Variants in ANKRD62 observed in about 807,000 individuals in gnomAD.
ANKRD62 encodes the protein ankyrin repeat domain 62.
ANKRD62 carries 61 observed loss-of-function variants against 98.8 expected under a neutral mutation model. The observed-to-expected ratio is 0.62, with a 90% CI of 0.50 to 0.76. The LOEUF is 0.76. Among genes scored for constraint, ANKRD62 ranks in the 30% least tolerant of loss-of-function variants. The pLI is 0.00. For synonymous variants in ANKRD62, 341 were observed against 367.9 expected (o/e 0.93, Z 0.84); for missense variants, 933 against 1,082.9 (o/e 0.86, Z 1.94).
chr18:12,135,089 C>T, the ANKRD62 span, among the ~76,000 whole-genome samples: 23 of 150,850 alleles, frequency 1.5e-4, 1 homozygote, highest in Admixed American at 3.9e-4. Flanking sequence ...ATGTGCACAA[C>T]GTGCAGGTGT....
rs534412392 is a variant in ANKRD62, at chr18:12,095,158, C to G, written c.219-13C>G. On this transcript the variant is annotated splice_polypyrimidine_tract_variant and intron_variant, in intron 1 of 13. Transcript: ENST00000587848. ...GCACTACAATTGCCTAAAGCGACCT[C>G]TCATTCTCACAGGACTGCTCTACTT... is the stretch of plus-strand genomic sequence containing the variant. The G allele has an allele frequency of 3.9e-6, 6 of 1,534,776 alleles. No individual in the cohort carries two copies. In the African/African-American group the frequency reaches 6.8e-5, roughly 17 times the overall value.
chr18:12,178,084 A>C, the ANKRD62 span, among the ~76,000 whole-genome samples: 1 of 149,172 alleles, frequency 6.7e-6, no homozygotes, highest in Admixed American at 6.7e-5. Flanking sequence ...AGAGCATAAG[A>C]AGCATTAGAA....
At chr18:12,113,291 C>T (rs1189169129) in intron 8 of ANKRD62, among the ~76,000 whole-genome samples, 1 of 152,146 alleles carries the variant, frequency 6.6e-6, no homozygotes, top group Admixed American at 6.5e-5. Flanking sequence ...CAAATCATAA[C>T]CCCTATTAAC....
the ANKRD62 span, among the ~76,000 whole-genome samples, chr18:12,140,041 C>T: frequency 3.9e-5 from 6 of 152,112 alleles, no homozygotes; most frequent in Non-Finnish European, 7.3e-5. Flanking sequence ...AGGCTTTGTT[C>T]GTTTCTTTTT....
the ANKRD62 span, among the ~76,000 whole-genome samples, chr18:12,146,466 G>A: frequency 6.6e-6 from 1 of 152,190 alleles, no homozygotes; most frequent in East Asian, 1.9e-4. Context: ...TGTGTTTTGA[G>A]ATAGAATCTC....
chr18:12,094,339 G>T (rs1340586166), intron 1 of ANKRD62, 104 bp downstream of exon 1: 24 of 308,356 alleles, frequency 7.8e-5, no homozygotes, highest in Non-Finnish European at 1.1e-4. Context: ...GGCGTGGGTG[G>T]GGTGGAAGTC....
the ANKRD62 span, among the ~76,000 whole-genome samples, chr18:12,152,247 T>C: frequency 0.019 from 2,804 of 149,814 alleles, 80 homozygotes; most frequent in African/African-American, 0.065. Flanking sequence ...GAGGCCAGCA[T>C]TCTCCTGATA....
rs534083396 is a variant in ANKRD62 at position 12,097,793 on chromosome 18, G to T, written c.752+16G>T. 2 of 1,534,164 alleles carry T rather than the reference G, an allele frequency of 1.3e-6. No homozygotes were observed. The highest frequency in any genetic ancestry group is 1.4e-5 in the African/African-American group (1 of 72,950). On this transcript the variant is annotated intron_variant, in intron 5 of 13. Coordinates refer to ENST00000587848, the MANE Select transcript of ANKRD62 (RefSeq NM_001277333.2). ...AGTTTCAAGCGTAAGTGTTAAAAAG[G>T]CTAGTGAACACTAAATTGAGGTTTA...
chr18:12,159,519 G>A, the ANKRD62 span, among the ~76,000 whole-genome samples: 1 of 152,188 alleles, frequency 6.6e-6, no homozygotes, highest in African/African-American at 2.4e-5. Context: ...CAGAAAGTTA[G>A]GAAATAACTA....
chr18:12,112,856 C>G (rs1909575956), intron 8 of ANKRD62, among the ~76,000 whole-genome samples: 1 of 152,120 alleles, frequency 6.6e-6, no homozygotes, highest in African/African-American at 2.4e-5. Context: ...AACTTAAATA[C>G]AAGAGAAAAC....
rs1909111439 is a variant in ANKRD62, at chr18:12,094,110, G to A, written c.93G>A (p.Gly31=). The part of the protein sequence containing the change: ...NRDKDGFSNP[G]YRVRQKDLGM... ...ACAAGGATGGCTTCTCAAATCCCGG[G>A]TACCGAGTCCGGCAGAAGGATCTGG... Residue 31 remains glycine, a synonymous_variant, in exon 1 of 14, where the codon GGG becomes GGA. Coordinates refer to ENST00000587848, the MANE Select transcript of ANKRD62 (RefSeq NM_001277333.2). 2 of 1,534,392 alleles carry A rather than the reference G, an allele frequency of 1.3e-6. No individual in the cohort carries two copies. Among genetic ancestry groups the A allele is most frequent in the African/African-American group, 1.4e-5 (1 of 72,600 alleles).
At chr18:12,171,938 C>T in the ANKRD62 span, among the ~76,000 whole-genome samples, 1 of 152,318 alleles carries the variant, frequency 6.6e-6, no homozygotes, top group Non-Finnish European at 1.5e-5. Flanking sequence ...GCCACTGAAG[C>T]TTGTGCATGT....
In ANKRD62 at chr18:12,115,389, A is replaced by T; in HGVS notation, c.1099-4A>T. On this transcript the variant is annotated splice_region_variant and splice_polypyrimidine_tract_variant and intron_variant, in intron 9 of 13. Coordinates refer to ENST00000587848, the MANE Select transcript of ANKRD62 (RefSeq NM_001277333.2). ...ATTTTGAAACAGTGTTATTTATTTT[A>T]TAGGTTAAAAGCCAAATATATTTCA... The T allele has an allele frequency of 5.2e-6, 8 of 1,528,826 alleles. No homozygotes were observed. The highest frequency in any genetic ancestry group is 7.0e-6 in the Non-Finnish European group (8 of 1,143,106). 94.7% of individuals were successfully genotyped at this position (1,528,826 alleles called of 1,614,324 possible). A position where few individuals can be genotyped will look rare whatever the true frequency, so the allele number is the denominator to read the frequency against.
chr18:12,134,194 T>G (rs1484562073), downstream of ANKRD62, among the ~76,000 whole-genome samples: 1 of 152,170 alleles, frequency 6.6e-6, no homozygotes, highest in Non-Finnish European at 1.5e-5. Context: ...AGACCTTTAA[T>G]AAATGGCATA....
intron 6 of ANKRD62, chr18:12,101,888 A>G (rs1181422378): frequency 2.9e-6 from 2 of 700,158 alleles, no homozygotes; most frequent in East Asian, 2.6e-5. Flanking sequence ...CTGTCCACCA[A>G]TGGACTTACC....
chr18:12,110,148 TATTGTATA>T (rs1192053683), intron 8 of ANKRD62, among the ~76,000 whole-genome samples: 1 of 152,226 alleles, frequency 6.6e-6, no homozygotes, highest in Non-Finnish European at 1.5e-5. Flanking sequence ...AGTGACTTCA[TATTGTATA>T]ATTTACAAAA....
chr18:12,126,939 T>C (rs1311426524), intron 13 of ANKRD62, among the ~76,000 whole-genome samples: 1 of 152,222 alleles, frequency 6.6e-6, no homozygotes, highest in Admixed American at 6.5e-5. Context: ...TCTCAAATTA[T>C]ATATTGATAC....
At chr18:12,110,787 T>C (rs1049337662) in intron 8 of ANKRD62, among the ~76,000 whole-genome samples, 2 of 152,226 alleles carry the variant, frequency 1.3e-5, no homozygotes, top group African/African-American at 4.8e-5. Flanking sequence ...ATGGAGAACT[T>C]TCTCCACCAT....
the ANKRD62 span, among the ~76,000 whole-genome samples, chr18:12,135,186 TC>T: frequency 3.4e-5 from 3 of 89,142 alleles, no homozygotes; most frequent in Non-Finnish European, 6.3e-5. Flanking sequence ...ATGCTATCCC[TC>T]CCCCCTCCCC....
Sources: allele counts gnomAD v4.1 joint callset (sites outside exome capture counted in the v4.1 genomes callset), GRCh38; gene constraint gnomAD v4.1.1; transcripts MANE v1.5; gene names NCBI Gene and HGNC (gene_info 2026-07-23, HGNC 2026-07-21).